Variants in MPRIP observed in about 807,000 individuals in gnomAD.
The protein encoded by MPRIP is myosin phosphatase Rho interacting protein, also known as myosin phosphatase Rho-interacting protein.
A neutral mutation model predicts 234.9 loss-of-function variants in MPRIP; 59 were observed. That is an observed-to-expected ratio of 0.25 (90% CI 0.20 to 0.31). The LOEUF is 0.31. MPRIP is among the 10% of genes least tolerant of loss of function. The pLI, the probability that MPRIP is intolerant of heterozygous loss-of-function variation, is 1.00. For synonymous variants in MPRIP, 1,144 were observed against 1,263.9 expected, an observed-to-expected ratio of 0.91 and a Z score of 2.01; for missense variants, 2,436 against 3,071.0, an observed-to-expected ratio of 0.79 and a Z score of 4.89.
chr17:17,083,453 C>T (rs2089512341), intron 3 of MPRIP, among the ~76,000 whole-genome samples: 1 of 152,158 alleles, frequency 6.6e-6, no homozygotes, highest in South Asian at 2.1e-4. Context: ...CCTCTGCTCA[C>T]CTCACTCTTG....
Position 17,192,426 on chromosome 17 carries a change from T to TGGGGGGGG in MPRIP, c.*7532_*7533insGGGGGGGG, listed in dbSNP as rs1157972241. The TGGGGGGGG allele has an allele frequency of 8.8e-3, 26 of 2,958 alleles. 1 individual carries two copies. The highest frequency in any genetic ancestry group is 0.015 in the East Asian group (1 of 68). 0.2% of individuals were successfully genotyped at this position (2,958 alleles called of 1,614,324 possible). A position where few individuals can be genotyped will look rare whatever the true frequency, so the allele number is the denominator to read the frequency against. On this transcript the variant is annotated 3_prime_UTR_variant, in exon 24 of 24. Transcript: ENST00000651222. The stretch of plus-strand genomic sequence containing the variant: ...GACCAGCTGAGCTGCTGCTTTTTTT[T>TGGGGGGGG]TGGGGGGGGGGGGGGGAGGGGCGTC...
intron 1 of MPRIP, among the ~76,000 whole-genome samples, chr17:17,072,233 A>C (rs958570901): frequency 6.6e-6 from 1 of 152,140 alleles, no homozygotes; most frequent in Non-Finnish European, 1.5e-5. Context: ...TCTTCCTGGG[A>C]GGCCTTTCCC....
At chr17:17,114,163 G>C (rs1338628440) in intron 3 of MPRIP, among the ~76,000 whole-genome samples, 1 of 152,076 alleles carries the variant, frequency 6.6e-6, no homozygotes, top group East Asian at 1.9e-4. Flanking sequence ...GAAGTGCTAG[G>C]TGACTTTCAT....
chr17:17,167,024 T>C lies in MPRIP; in HGVS notation c.5433T>C (p.Asp1811=), dbSNP rs1272662938. The C allele has an allele frequency of 8.4e-6, 11 of 1,304,238 alleles. No homozygotes were observed. The highest frequency in any genetic ancestry group is 1.1e-5 in the Non-Finnish European group (11 of 988,946). The allele number at this position is 1,304,238 out of a possible 1,614,324, so 80.8% of individuals were successfully genotyped here. The change falls in exon 16 of 24, where the codon GAT becomes GAC. Residue 1811 remains aspartate (D), a synonymous_variant. Coordinates refer to ENST00000651222, the MANE Select transcript of MPRIP (RefSeq NM_001364716.4). The surrounding 1 kb of genome is among the most constrained non-coding windows in gnomAD (Gnocchi z 5.9). The part of the protein sequence containing the change: ...PSLPPVESLR[D]CQKLLQVSQS... ...TGCCACCTGTGGAATCGCTGAGAGA[T>C]TGCCAGAAGCTTCTCCAGGTGTCCC...
At chr17:17,121,227 GCT>G (rs1056621189) in intron 3 of MPRIP, among the ~76,000 whole-genome samples, 6 of 152,206 alleles carry the variant, frequency 3.9e-5, no homozygotes, top group African/African-American at 1.2e-4. Flanking sequence ...AGACAGTACA[GCT>G]TATTGCACAC....
chr17:17,089,661 T>TG (rs576242157), intron 3 of MPRIP, among the ~76,000 whole-genome samples: 103 of 152,080 alleles, frequency 6.8e-4, no homozygotes, highest in Admixed American at 2.0e-3. Flanking sequence ...GTAGGACTTG[T>TG]GGGGGTGCTG....
In MPRIP at chr17:17,092,624, C is replaced by G. The variant is rs567397464; in HGVS notation, c.267+14548C>G. 7.2e-5 allele frequency among the ~76,000 whole-genome samples: 11 copies of G among 152,236 alleles called. No individual in the cohort carries two copies. In the South Asian group the frequency reaches 2.3e-3, roughly 32 times the overall value. On this transcript the variant is annotated intron_variant, in intron 3 of 23. Coordinates refer to ENST00000651222, the MANE Select transcript of MPRIP (RefSeq NM_001364716.4). Reference sequence around the variant, plus strand: ...CTGCAGCCCATGGGATCAGACCCTGCGCTGAGCTCCTTCACTGTGTGTCTG... The same window carrying G: ...CTGCAGCCCATGGGATCAGACCCTGGGCTGAGCTCCTTCACTGTGTGTCTG...
intron 3 of MPRIP, among the ~76,000 whole-genome samples, chr17:17,099,673 G>T (rs2089919603): frequency 6.6e-6 from 1 of 152,184 alleles, no homozygotes; most frequent in Admixed American, 6.5e-5. Context: ...GCTGCAGTGA[G>T]CCTTGATTGC....
At chr17:17,153,871 T>G (rs2045664980) in intron 12 of MPRIP, among the ~76,000 whole-genome samples, 2 of 152,078 alleles carry the variant, frequency 1.3e-5, no homozygotes, top group Non-Finnish European at 2.9e-5. Flanking sequence ...GAGTGCAGAC[T>G]GCAGGTGCCA....
intron 11 of MPRIP, among the ~76,000 whole-genome samples, chr17:17,148,070 T>G (rs965316104): frequency 1.3e-5 from 2 of 152,164 alleles, no homozygotes; most frequent in Non-Finnish European, 2.9e-5. Context: ...GCCAGATGAT[T>G]GGAAAGAGCC....
intron 3 of MPRIP, among the ~76,000 whole-genome samples, chr17:17,115,004 G>A (rs1468053149): frequency 2.0e-5 from 3 of 152,276 alleles, no homozygotes; most frequent in African/African-American, 7.2e-5. Context: ...CATTTCCTCA[G>A]CATCCCACAA....
At chr17:17,145,938 TG>T in intron 9 of MPRIP, 97 bp from the exon 10 acceptor site, 1 of 1,198,980 alleles carries the variant, frequency 8.3e-7, no homozygotes, top group Non-Finnish European at 1.2e-6. Flanking sequence ...ACCCCTTTCC[TG>T]GTACCCGCCT....
chr17:17,074,565 C>A (rs1158511869), intron 1 of MPRIP, among the ~76,000 whole-genome samples: 1 of 152,214 alleles, frequency 6.6e-6, no homozygotes, highest in Non-Finnish European at 1.5e-5. Context: ...TGTTGTGCAA[C>A]CATCTCCACT....
chr17:17,049,868 T>A (rs576804943), intron 1 of MPRIP, among the ~76,000 whole-genome samples: 1 of 152,322 alleles, frequency 6.6e-6, no homozygotes, highest in African/African-American at 2.4e-5. Flanking sequence ...TAGGAAATTT[T>A]AAATTTTCCA....
intron 1 of MPRIP, among the ~76,000 whole-genome samples, chr17:17,067,245 T>G (rs1003888400): frequency 6.6e-6 from 1 of 152,184 alleles, no homozygotes; most frequent in African/African-American, 2.4e-5. Context: ...ATTGAAAACT[T>G]TTACCATTTC....
In MPRIP at chr17:17,191,163, G is replaced by C. The variant is rs187307794; in HGVS notation, c.*6269G>C. ...CCCTGTATCCATACATTGTTTCATT[G>C]AAAGAATTCTCTATTGCCTCTTCTT... On this transcript the variant is annotated 3_prime_UTR_variant, in exon 24 of 24. Coordinates refer to ENST00000651222, the MANE Select transcript of MPRIP (RefSeq NM_001364716.4). 2.2e-4 allele frequency: 33 copies of C among 152,272 alleles called. No individual in the cohort carries two copies. Among genetic ancestry groups the C allele is most frequent in the Admixed American group, 1.6e-3 (24 of 15,300 alleles). The allele number at this position is 152,272 out of a possible 1,614,324, so 9.4% of individuals were successfully genotyped here.
chr17:17,162,577 C>T (rs1411434810), intron 15 of MPRIP, among the ~76,000 whole-genome samples: 1 of 152,178 alleles, frequency 6.6e-6, no homozygotes, highest in African/African-American at 2.4e-5. Flanking sequence ...AACAGGGCCT[C>T]CCTGTGGGCC....
chr17:17,093,243 A>G (rs752223857), intron 3 of MPRIP, among the ~76,000 whole-genome samples: 2 of 152,246 alleles, frequency 1.3e-5, no homozygotes, highest in Non-Finnish European at 2.9e-5. Context: ...AGGCTTGGAA[A>G]GGATCTTCGC....
In MPRIP at chr17:17,049,432, G is replaced by A. The variant is rs888305599; in HGVS notation, c.123+6461G>A. ...GTCAGGGACTGTCTGTACAAGAATC[G>A]CTCTCTCACACACACACACCTGCCT... On this transcript the variant is annotated intron_variant, in intron 1 of 23. Coordinates refer to ENST00000651222, the MANE Select transcript of MPRIP (RefSeq NM_001364716.4). Among the ~76,000 whole-genome samples the A allele has an allele frequency of 2.6e-4, 39 of 152,248 alleles. No homozygotes were observed. The Middle Eastern group carries it at 0.014, about 53-fold the overall frequency.
Sources: allele counts gnomAD v4.1 joint callset (sites outside exome capture counted in the v4.1 genomes callset), GRCh38; gene constraint gnomAD v4.1.1; non-coding constraint Gnocchi (gnomAD v3.1); transcripts MANE v1.5; gene names NCBI Gene and HGNC (gene_info 2026-07-23, HGNC 2026-07-21).